The following FRAS1 variants were observed in gnomAD, a reference collection of about 807,000 sequenced individuals.
FRAS1 encodes extracellular matrix organizing protein FRAS1.
In FRAS1, 290 loss-of-function variants were observed where a neutral mutation model predicts 435.2. That is an observed-to-expected ratio of 0.67 (90% CI 0.61 to 0.73). The LOEUF is 0.73. Among genes scored for constraint, FRAS1 ranks in the 30% least tolerant of loss-of-function variants. The pLI, the probability that FRAS1 is intolerant of heterozygous loss-of-function variation, is 0.00. For synonymous variants in FRAS1, 1,800 were observed against 1,851.0 expected (o/e 0.97, Z 0.71); for missense variants, 4,860 against 5,001.5 (o/e 0.97, Z 0.85).
intron 2 of FRAS1, chr4:78,068,661 A>G (rs529364189): frequency 4.0e-5 from 18 of 454,384 alleles, no homozygotes; most frequent in Admixed American, 7.1e-5. Flanking sequence ...GGGAAACTAT[A>G]TTAAATACTT....
intron 35 of FRAS1, among the ~76,000 whole-genome samples, chr4:78,428,423 C>T (rs1677290245): frequency 6.6e-6 from 1 of 152,046 alleles, no homozygotes; most frequent in Non-Finnish European, 1.5e-5. Context: ...CCCAGGTTCA[C>T]GCCATTCTCC....
chr4:78,273,117 C>A (rs560081301), intron 9 of FRAS1, among the ~76,000 whole-genome samples: 6 of 152,230 alleles, frequency 3.9e-5, no homozygotes, highest in African/African-American at 1.4e-4. Flanking sequence ...CTCTGTTTAT[C>A]TGTTATTGGT....
chr4:78,083,073 ATAGGGATCTGGAAAT>A (rs559731900), intron 2 of FRAS1, among the ~76,000 whole-genome samples: 282 of 152,260 alleles, frequency 1.9e-3, no homozygotes, highest in East Asian at 0.014. Context: ...AAATGTGGTA[ATAGGGATCTGGAAAT>A]TAGGGATCTG....
At chr4:78,249,705 G>T (rs1725443820) in intron 4 of FRAS1, among the ~76,000 whole-genome samples, 1 of 152,124 alleles carries the variant, frequency 6.6e-6, no homozygotes, top group African/African-American at 2.4e-5. Context: ...TTTTGAGTTA[G>T]ATAATAAATT....
intron 64 of FRAS1, 158 bp downstream of exon 64, chr4:78,511,664 C>A: frequency 1.4e-6 from 1 of 690,752 alleles, no homozygotes; most frequent in Non-Finnish European, 2.6e-6. Flanking sequence ...GTCCCTCAAG[C>A]TCGGGCCCCC....
At chr4:78,103,686 AC>A (rs1742246005) in intron 2 of FRAS1, among the ~76,000 whole-genome samples, 2 of 152,060 alleles carry the variant, frequency 1.3e-5, no homozygotes, top group Admixed American at 1.3e-4. Flanking sequence ...GAGCTCAGAG[AC>A]CCAGCCAACC....
Position 78,519,410 on chromosome 4 carries a change from G to T in FRAS1, c.10469G>T (p.Gly3490Val). The T allele has an allele frequency of 6.2e-7, 1 of 1,611,370 alleles. No individual in the cohort carries two copies. The highest frequency in any genetic ancestry group is 2.2e-5 in the East Asian group (1 of 44,756). ...TACATCTATGTGACAGCCCCCAGGGGCTGGGCCTCCTTGGAGCACCACACC... is the reference window on the plus strand; with the variant it reads ...TACATCTATGTGACAGCCCCCAGGGTCTGGGCCTCCTTGGAGCACCACACC... The part of the protein sequence containing the change: ...VSYIYVTAPR[G>V]WASLEHHTEM... The change falls in exon 67 of 74, where the codon GGC becomes GTC. Residue 3490 changes from glycine (G) to valine (V), a missense_variant. Gly to Val is a moderately radical substitution (Grantham distance 109). Coordinates refer to ENST00000512123, the MANE Select transcript of FRAS1 (RefSeq NM_025074.7).
chr4:78,521,172 T>G (rs1315241824), intron 67 of FRAS1, among the ~76,000 whole-genome samples: 1 of 152,178 alleles, frequency 6.6e-6, no homozygotes, highest in East Asian at 1.9e-4. Flanking sequence ...AAAGAAAGTA[T>G]AATAAGAAGC....
chr4:78,072,947 G>T lies in FRAS1; in HGVS notation c.108+6931G>T, dbSNP rs9307332. The stretch of plus-strand genomic sequence containing the variant: ...AGCAGTGGCAGGCTTTTCTGATTTG[G>T]GTTCTCACCTGTGGATAGAAGGTTA... On this transcript the variant is annotated intron_variant, in intron 2 of 73. Transcript: ENST00000512123. Among the ~76,000 whole-genome samples, 315 of 151,912 alleles carry T rather than the reference G, an allele frequency of 2.1e-3. 1 individual carries two copies. Among genetic ancestry groups the T allele is most frequent in the African/African-American group, 6.9e-3 (286 of 41,400 alleles).
chr4:78,228,782 C>T (rs908942778), intron 2 of FRAS1, among the ~76,000 whole-genome samples: 1 of 152,116 alleles, frequency 6.6e-6, no homozygotes, highest in African/African-American at 2.4e-5. Flanking sequence ...GGCAAGTGTC[C>T]GAGCTCATAG....
intron 2 of FRAS1, among the ~76,000 whole-genome samples, chr4:78,232,356 G>C (rs563998609): frequency 2.2e-4 from 34 of 151,892 alleles, no homozygotes; most frequent in African/African-American, 8.2e-4. Context: ...TGCGATCTCG[G>C]CTCACTGCAA....
chr4:78,392,979 A>G (rs76212941), intron 29 of FRAS1, among the ~76,000 whole-genome samples: 1 of 151,376 alleles, frequency 6.6e-6, no homozygotes, highest in Non-Finnish European at 1.5e-5. Context: ...CATGTTCATC[A>G]TGATGAGTGG....
intron 15 of FRAS1, among the ~76,000 whole-genome samples, chr4:78,314,429 C>T (rs17003121): frequency 0.038 from 5,838 of 152,252 alleles, 299 homozygotes; most frequent in African/African-American, 0.12. Context: ...ACAACCTCCA[C>T]GGCTCTAATT....
chr4:78,188,805 T>C (rs541888354), intron 2 of FRAS1, among the ~76,000 whole-genome samples: 1 of 152,316 alleles, frequency 6.6e-6, no homozygotes, highest in African/African-American at 2.4e-5. Context: ...ACCAATACCA[T>C]AATCACTGGT....
At chr4:78,101,988 C>T (rs369248600) in intron 2 of FRAS1, among the ~76,000 whole-genome samples, 1 of 152,132 alleles carries the variant, frequency 6.6e-6, no homozygotes, top group Non-Finnish European at 1.5e-5. Context: ...CCCCTTAATA[C>T]CTCCATATTA....
intron 2 of FRAS1, among the ~76,000 whole-genome samples, chr4:78,232,484 A>T (rs1024730939): frequency 2.6e-5 from 4 of 152,030 alleles, no homozygotes; most frequent in Admixed American, 2.6e-4. Context: ...ACAGGGTTTC[A>T]CCGTGTTAGC....
At position 78,124,134 on chromosome 4, in the gene FRAS1, T is replaced by C. The variant is rs754897869; in HGVS notation, c.108+58118T>C. Among the ~76,000 whole-genome samples the C allele has an allele frequency of 3.3e-5, 5 of 152,350 alleles. No homozygotes were observed. In the South Asian group the frequency reaches 1.0e-3, roughly 32 times the overall value. The stretch of plus-strand genomic sequence containing the variant: ...TTTGTCATAAATAGCTCTTATTATG[T>C]TGAGATACATTCCATTGATATTAGT... On this transcript the variant is annotated intron_variant, in intron 2 of 73. Coordinates refer to ENST00000512123, the MANE Select transcript of FRAS1 (RefSeq NM_025074.7).
intron 15 of FRAS1, among the ~76,000 whole-genome samples, chr4:78,311,390 G>T (rs778916983): frequency 6.6e-6 from 1 of 152,072 alleles, no homozygotes. Flanking sequence ...CATGCACCAC[G>T]TTGTTCTCTC....
chr4:78,114,251 G>C (rs973757512), intron 2 of FRAS1, among the ~76,000 whole-genome samples: 7 of 152,242 alleles, frequency 4.6e-5, no homozygotes, highest in South Asian at 2.1e-4. Context: ...ATAGTTTGAA[G>C]TCAGGTAGCG....
Sources: allele counts gnomAD v4.1 joint callset (sites outside exome capture counted in the v4.1 genomes callset), GRCh38; gene constraint gnomAD v4.1.1; transcripts MANE v1.5; gene names NCBI Gene and HGNC (gene_info 2026-07-23, HGNC 2026-07-21).